The following NCOR1 variants were observed in gnomAD, a reference collection of about 807,000 sequenced individuals.
NCOR1 encodes the protein nuclear receptor corepressor 1, also known as protein phosphatase 1, regulatory subunit 109.
In NCOR1, 63 loss-of-function variants were observed where a neutral mutation model predicts 288.1. That is an observed-to-expected ratio of 0.22 (90% CI 0.18 to 0.27). The LOEUF (loss-of-function observed/expected upper bound fraction) is 0.27. Among genes scored for constraint, NCOR1 ranks in the 10% least tolerant of loss-of-function variants. NCOR1 has a pLI of 1.00. For missense variants in NCOR1, 2,397 were observed against 3,019.2 expected (o/e 0.79, Z 4.83); for synonymous variants, 1,007 against 1,065.9 (o/e 0.94, Z 1.08).
chr17:16,079,394 GCATATA>G (rs1041411724), intron 26 of NCOR1, among the ~76,000 whole-genome samples: 2 of 152,250 alleles, frequency 1.3e-5, no homozygotes, highest in Admixed American at 6.5e-5. Context: ...TCCCTCTTAT[GCATATA>G]CATAAAGAGG....
intron 3 of NCOR1, among the ~76,000 whole-genome samples, chr17:16,182,850 AAAAG>A (rs1397013615): frequency 6.6e-6 from 1 of 152,188 alleles, no homozygotes; most frequent in Non-Finnish European, 1.5e-5. Context: ...ACTGGAGAAG[AAAAG>A]AAATAAAAAT....
chr17:16,194,065 T>C (rs1392833644), intron 2 of NCOR1, among the ~76,000 whole-genome samples: 4 of 152,184 alleles, frequency 2.6e-5, no homozygotes, highest in African/African-American at 9.7e-5. Context: ...TATACAAATC[T>C]TCCTACCATC....
At chr17:16,095,573 T>C (rs1284740985) in intron 21 of NCOR1, among the ~76,000 whole-genome samples, 1 of 108,600 alleles carries the variant, frequency 9.2e-6, no homozygotes, top group East Asian at 3.3e-4. Context: ...AGCCGCCCCG[T>C]ACAGGAGGTG....
At chr17:16,168,691 C>T (rs562342370) in intron 4 of NCOR1, among the ~76,000 whole-genome samples, 1 of 152,090 alleles carries the variant, frequency 6.6e-6, no homozygotes, top group Admixed American at 6.5e-5. Context: ...AATGTATGGG[C>T]CAGCTGCAGT....
intron 42 of NCOR1, chr17:16,044,571 C>G (rs756031321): frequency 1.9e-6 from 1 of 520,364 alleles, no homozygotes; most frequent in Non-Finnish European, 3.9e-6. Flanking sequence ...TCACTTCATC[C>G]GGCAACTACC....
intron 3 of NCOR1, among the ~76,000 whole-genome samples, chr17:16,182,674 A>T (rs576597580): frequency 4.8e-4 from 73 of 152,088 alleles, no homozygotes; most frequent in Admixed American, 1.4e-3. Flanking sequence ...GGATGGTCTC[A>T]ATCTCCTGAC....
At position 16,080,707 on chromosome 17, in the gene NCOR1, C is replaced by T; in HGVS notation, c.3198G>A (p.Leu1066=). ...SISQGTPGTY[L]TSHNQASYTQ... ...TGTAGGAAGCCTGATTATGAGAAGTCAAATAAGTGCCTGGTGTTCCCTAAG... is the reference window on the plus strand; with the variant it reads ...TGTAGGAAGCCTGATTATGAGAAGTTAAATAAGTGCCTGGTGTTCCCTAAG... The change falls in exon 24 of 46, where the codon TTG becomes TTA. Residue 1066 remains leucine, a synonymous_variant. Transcript: ENST00000268712. 1.2e-6 allele frequency: 2 copies of T among 1,612,068 alleles called. No homozygotes were observed. Among genetic ancestry groups the T allele is most frequent in the Non-Finnish European group, 1.7e-6 (2 of 1,179,102 alleles).
intron 27 of NCOR1, among the ~76,000 whole-genome samples, chr17:16,075,127 C>T (rs2062270126): frequency 6.6e-6 from 1 of 152,184 alleles, no homozygotes; most frequent in Admixed American, 6.5e-5. Flanking sequence ...CTCGGCCTCC[C>T]AAAGTACTGG....
rs2089343345 is a variant in NCOR1, at chr17:16,194,499, G to C, written c.71C>G (p.Ser24Cys). Residue 24 changes from serine to cysteine, a missense_variant, in exon 2 of 46, where the codon TCT becomes TGT. Physicochemically the swap from Ser to Cys is moderately radical, Grantham distance 112. This residue lies in a region of NCOR1 where 55 missense variants were observed against 69.6 expected (regional missense o/e 0.79). Transcript: ENST00000268712. ...GGTGTTGGGAAATGTATACTGGACA[G>C]AGTGAGGAGGATAACGACTTTGTTC... is the stretch of plus-strand genomic sequence containing the variant. ...STEQSRYPPH[S>C]VQYTFPNTRH... 1.9e-6 allele frequency: 3 copies of C among 1,611,164 alleles called. No individual in the cohort carries two copies. The highest frequency in any genetic ancestry group is 2.7e-5 in the African/African-American group (2 of 75,016).
intron 15 of NCOR1, 90 bp from the exon 16 acceptor site, chr17:16,121,359 A>G: frequency 9.2e-7 from 1 of 1,089,866 alleles, no homozygotes; most frequent in Non-Finnish European, 1.3e-6. Context: ...CTAAATAGAA[A>G]TTGAATAAAA....
chr17:16,199,328 C>A (rs1167850433), intron 1 of NCOR1, among the ~76,000 whole-genome samples: 2 of 151,910 alleles, frequency 1.3e-5, no homozygotes, highest in African/African-American at 4.8e-5. Flanking sequence ...TGAACTGCAG[C>A]CTGGAGACCA....
At chr17:16,158,241 T>G (rs1387046641) in intron 6 of NCOR1, among the ~76,000 whole-genome samples, 1 of 152,218 alleles carries the variant, frequency 6.6e-6, no homozygotes, top group African/African-American at 2.4e-5. Flanking sequence ...CCCAAAGTAC[T>G]GGGATTATGG....
chr17:16,031,455 A>C lies in NCOR1; in HGVS notation c.*841T>G. ...CAAAACAAAAGCTTTGTTGGGCTGC[A>C]TCAAATGCAGGAGAAAAGGAATACT... On this transcript the variant is annotated 3_prime_UTR_variant, in exon 46 of 46. Coordinates refer to ENST00000268712, the MANE Select transcript of NCOR1 (RefSeq NM_006311.4). The C allele has an allele frequency of 1.0e-5, 2 of 197,004 alleles. No homozygotes were observed. Among genetic ancestry groups the C allele is most frequent in the Non-Finnish European group, 2.1e-5 (2 of 95,018 alleles). The allele number at this position is 197,004 out of a possible 1,614,324, so 12.2% of individuals were successfully genotyped here. A position where few individuals can be genotyped will look rare whatever the true frequency, so the allele number is the denominator to read the frequency against.
At chr17:16,141,507 AT>A (rs749735514) in intron 11 of NCOR1, among the ~76,000 whole-genome samples, 2 of 152,192 alleles carry the variant, frequency 1.3e-5, no homozygotes, top group Admixed American at 1.3e-4. Flanking sequence ...ACAGTAACTT[AT>A]AAGAGCATAC....
intron 22 of NCOR1, chr17:16,087,190 G>A (rs767226018): frequency 3.0e-5 from 39 of 1,303,884 alleles, no homozygotes; most frequent in East Asian, 5.5e-5. Context: ...ACACTATAGC[G>A]GGCTGCACTC....
At chr17:16,051,687 G>A (rs2059327352) in intron 40 of NCOR1, among the ~76,000 whole-genome samples, 1 of 152,056 alleles carries the variant, frequency 6.6e-6, no homozygotes, top group South Asian at 2.1e-4. Context: ...TAAGGCAGGC[G>A]GATCACCGGA....
At chr17:16,090,972 T>C (rs935379809) in intron 22 of NCOR1, among the ~76,000 whole-genome samples, 38 of 152,354 alleles carry the variant, frequency 2.5e-4, no homozygotes, top group African/African-American at 9.1e-4. Context: ...TATCGTAGCA[T>C]ATAAGTAGAC....
chr17:16,043,182 AG>A (rs2058054985), intron 42 of NCOR1, among the ~76,000 whole-genome samples: 1 of 152,338 alleles, frequency 6.6e-6, no homozygotes, highest in South Asian at 2.1e-4. Flanking sequence ...GATCCAATAA[AG>A]TAAGTTTTAA....
At chr17:16,052,387 T>C (rs1057185637) in intron 40 of NCOR1, among the ~76,000 whole-genome samples, 1 of 151,716 alleles carries the variant, frequency 6.6e-6, no homozygotes, top group South Asian at 2.1e-4. Flanking sequence ...ATAGAGAAGA[T>C]TCAAATAAAC....
Sources: allele counts gnomAD v4.1 joint callset (sites outside exome capture counted in the v4.1 genomes callset), GRCh38; gene constraint gnomAD v4.1.1; regional missense constraint gnomAD v4.1.1; transcripts MANE v1.5; gene names NCBI Gene and HGNC (gene_info 2026-07-23, HGNC 2026-07-21).